The following EXT1 variants were observed in gnomAD, a reference collection of about 807,000 sequenced individuals.
EXT1 encodes the protein exostosin-1.
EXT1 carries 20 observed loss-of-function variants against 82.5 expected under a neutral mutation model. The ratio of observed to expected loss-of-function variants is 0.24; its 90% confidence interval spans 0.17 to 0.35. The LOEUF is 0.35. EXT1 is among the 10% of genes least tolerant of loss of function. The pLI is 1.00. For synonymous variants in EXT1, 348 were observed against 350.8 expected, an observed-to-expected ratio of 0.99 and a Z score of 0.09; for missense variants, 757 against 936.5, an observed-to-expected ratio of 0.81 and a Z score of 2.50.
chr8:118,073,962 C>A (rs1817154898), intron 1 of EXT1, among the ~76,000 whole-genome samples: 1 of 152,114 alleles, frequency 6.6e-6, no homozygotes, highest in Non-Finnish European at 1.5e-5. Flanking sequence ...TCGCCTGGAA[C>A]CTTCCTTCTC....
At chr8:117,818,375 C>T (rs1469148495) in intron 7 of EXT1, 60 bp downstream of exon 7, 1 of 1,374,182 alleles carries the variant, frequency 7.3e-7, no homozygotes, top group Non-Finnish European at 1.0e-6. Context: ...ACCCAAAGTG[C>T]CCCATGGAGA....
At chr8:117,929,665 G>A (rs1301375159) in intron 1 of EXT1, among the ~76,000 whole-genome samples, 1 of 152,208 alleles carries the variant, frequency 6.6e-6, no homozygotes, top group Non-Finnish European at 1.5e-5. Flanking sequence ...TGAGACTGAA[G>A]GAGTATGCCA....
chr8:117,913,034 G>A (rs541912325), intron 1 of EXT1, among the ~76,000 whole-genome samples: 30 of 152,194 alleles, frequency 2.0e-4, no homozygotes, highest in African/African-American at 7.0e-4. Context: ...GACCAGCCTG[G>A]ACAACATGTT....
intron 1 of EXT1, among the ~76,000 whole-genome samples, chr8:118,031,696 C>T (rs1053602385): frequency 1.3e-5 from 2 of 152,006 alleles, no homozygotes; most frequent in African/African-American, 4.8e-5. Context: ...TCTGTCCTAT[C>T]CCCGAGAAGT....
chr8:118,102,395 A>T (rs1013400899), intron 1 of EXT1, among the ~76,000 whole-genome samples: 1 of 152,198 alleles, frequency 6.6e-6, no homozygotes, highest in African/African-American at 2.4e-5. Flanking sequence ...ACAATTTACT[A>T]GAACAGAAAA....
Position 118,034,751 on chromosome 8 carries a change from G to A in EXT1, c.962+75334C>T, listed in dbSNP as rs560672156. On this transcript the variant is annotated intron_variant, in intron 1 of 10. Coordinates refer to ENST00000378204, the MANE Select transcript of EXT1 (RefSeq NM_000127.3). The stretch of plus-strand genomic sequence containing the variant: ...ATGACTACCAATTCAAAAGGGGGAC[G>A]ATGGCTAGGGACCACTCTGATTCTA... Among the ~76,000 whole-genome samples, 6 of 152,262 alleles carry A rather than the reference G, an allele frequency of 3.9e-5. No homozygotes were observed. In the South Asian group the frequency reaches 6.2e-4, roughly 16 times the overall value.
intron 1 of EXT1, among the ~76,000 whole-genome samples, chr8:117,844,286 G>A (rs1812319366): frequency 6.6e-6 from 1 of 151,906 alleles, no homozygotes; most frequent in African/African-American, 2.4e-5. Flanking sequence ...CTGAGTAGGT[G>A]GGACTACAGG....
chr8:117,840,495 T>G (rs986623862), intron 1 of EXT1, among the ~76,000 whole-genome samples: 9 of 151,630 alleles, frequency 5.9e-5, no homozygotes, highest in African/African-American at 1.9e-4. Flanking sequence ...GCCTGTAATC[T>G]CAGCTACTTG....
intron 1 of EXT1, among the ~76,000 whole-genome samples, chr8:118,019,274 A>AGAAAGAAAGAAAGAAG (rs1491195932): frequency 2.7e-5 from 4 of 149,210 alleles, no homozygotes; most frequent in African/African-American, 1.0e-4. Context: ...AAAGAAAGAA[A>AGAAAGAAAGAAAGAAG]GAAAGAAAGA....
chr8:117,933,116 C>A (rs967169107), intron 1 of EXT1, among the ~76,000 whole-genome samples: 8 of 152,178 alleles, frequency 5.3e-5, no homozygotes, highest in African/African-American at 1.9e-4. Context: ...TCACTTTTCG[C>A]CTCCAAAGTC....
intron 10 of EXT1, among the ~76,000 whole-genome samples, chr8:117,803,925 T>A (rs1342810526): frequency 6.6e-6 from 1 of 152,176 alleles, no homozygotes; most frequent in African/African-American, 2.4e-5. Context: ...TAAATCCTGA[T>A]TCTAGAACTG....
chr8:117,924,056 G>C (rs952618425), intron 1 of EXT1, among the ~76,000 whole-genome samples: 2 of 152,210 alleles, frequency 1.3e-5, no homozygotes, highest in Non-Finnish European at 2.9e-5. Context: ...AGAGGAATTC[G>C]TATCACGTGG....
intron 1 of EXT1, among the ~76,000 whole-genome samples, chr8:117,838,627 A>G (rs1812224044): frequency 6.6e-6 from 1 of 152,180 alleles, no homozygotes; most frequent in African/African-American, 2.4e-5. Context: ...AGAAGGCTTG[A>G]ATTTAGTTAA....
intron 1 of EXT1, among the ~76,000 whole-genome samples, chr8:117,991,436 A>T (rs1586329401): frequency 6.6e-6 from 1 of 152,002 alleles, no homozygotes. Context: ...CCAGCCTACC[A>T]CCACTGGACC....
intron 1 of EXT1, among the ~76,000 whole-genome samples, chr8:117,933,418 G>A (rs1275554201): frequency 6.6e-6 from 1 of 151,932 alleles, no homozygotes; most frequent in South Asian, 2.1e-4. Flanking sequence ...GCTAATTTTT[G>A]TATTTTTAGT....
intron 1 of EXT1, among the ~76,000 whole-genome samples, chr8:118,045,372 C>A (rs556999450): frequency 6.6e-6 from 1 of 152,246 alleles, no homozygotes; most frequent in African/African-American, 2.4e-5. Context: ...GAAGAAAGCA[C>A]AAGTTCAACA....
intron 6 of EXT1, among the ~76,000 whole-genome samples, 181 bp downstream of exon 6, chr8:117,819,495 A>G (rs1156343930): frequency 6.6e-6 from 1 of 152,232 alleles, no homozygotes. Context: ...TTCACTTCCA[A>G]GAATTTCTAA....
At chr8:117,994,247 G>T (rs946435725) in intron 1 of EXT1, among the ~76,000 whole-genome samples, 1 of 152,152 alleles carries the variant, frequency 6.6e-6, no homozygotes, top group Non-Finnish European at 1.5e-5. Context: ...TATTGGGAGG[G>T]CTACTCTAGA....
At chr8:118,081,111 C>G (rs1194115374) in intron 1 of EXT1, among the ~76,000 whole-genome samples, 2 of 152,058 alleles carry the variant, frequency 1.3e-5, no homozygotes, top group African/African-American at 2.4e-5. Flanking sequence ...AAGACAGATA[C>G]CAGAATCACC....
Sources: gnomAD v4.1 joint callset for allele counts (sites outside exome capture counted in the v4.1 genomes callset) on GRCh38, gnomAD v4.1.1 for gene constraint, MANE v1.5 for transcripts, NCBI Gene and HGNC (gene_info 2026-07-23, HGNC 2026-07-21) for gene names.